FHOD3: variants seen among roughly 807,000 people sequenced by gnomAD.
FHOD3 encodes the protein FH1/FH2 domain-containing protein 3.
FHOD3 carries 90 observed loss-of-function variants against 173.0 expected under a neutral mutation model. That is an observed-to-expected ratio of 0.52 (90% CI 0.44 to 0.62). The LOEUF (loss-of-function observed/expected upper bound fraction) is 0.62, where lower values mean the gene tolerates loss of function less well. Among genes scored for constraint, FHOD3 ranks in the 20% least tolerant of loss-of-function variants. The probability of loss-of-function intolerance (pLI) is 0.00; values close to 1 mark genes in which losing one functional copy is unlikely to be tolerated. For synonymous variants in FHOD3, 828 were observed against 823.0 expected, an observed-to-expected ratio of 1.01 and a Z score of -0.10; for missense variants, 1,945 against 2,034.7, an observed-to-expected ratio of 0.96 and a Z score of 0.85.
intron 3 of FHOD3, among the ~76,000 whole-genome samples, chr18:36,498,756 G>T (rs1460727598): frequency 1.3e-5 from 2 of 152,138 alleles, no homozygotes; most frequent in Admixed American, 6.5e-5. Context: ...TGCAAGAAAA[G>T]AAACTATAAA....
intron 19 of FHOD3, among the ~76,000 whole-genome samples, chr18:36,727,598 C>T (rs2041142075): frequency 6.6e-6 from 1 of 152,156 alleles, no homozygotes; most frequent in African/African-American, 2.4e-5. Flanking sequence ...GTGGGGACAG[C>T]TCTCCCATGA....
chr18:36,583,963 C>T (rs1217454952), intron 6 of FHOD3, among the ~76,000 whole-genome samples: 1 of 152,072 alleles, frequency 6.6e-6, no homozygotes, highest in African/African-American at 2.4e-5. Flanking sequence ...GTAGCTGGGA[C>T]CACAGGGAAC....
chr18:36,757,657 T>A (rs1424637674), intron 25 of FHOD3, among the ~76,000 whole-genome samples: 1 of 152,162 alleles, frequency 6.6e-6, no homozygotes, highest in African/African-American at 2.4e-5. Context: ...ATGAGAGGTC[T>A]GAGGGTAAAA....
chr18:36,405,739 A>G (rs905354313), intron 3 of FHOD3, among the ~76,000 whole-genome samples: 5 of 152,260 alleles, frequency 3.3e-5, no homozygotes, highest in African/African-American at 1.2e-4. Flanking sequence ...GACTGTGAAC[A>G]TACCAAAATA....
At chr18:36,390,508 C>T (rs1403518209) in intron 3 of FHOD3, among the ~76,000 whole-genome samples, 1 of 152,196 alleles carries the variant, frequency 6.6e-6, no homozygotes, top group Non-Finnish European at 1.5e-5. Context: ...GGCATGCACC[C>T]TGTCCTTGTG....
chr18:36,304,694 G>T (rs1048370272), intron 1 of FHOD3, among the ~76,000 whole-genome samples: 5 of 152,218 alleles, frequency 3.3e-5, no homozygotes, highest in Non-Finnish European at 7.4e-5. Context: ...CAATTCCCAT[G>T]ATGAAGTAAA....
rs73423297 is a variant in FHOD3 at position 36,532,083 on chromosome 18, C to T, written c.511+19540C>T. 4.1e-3 allele frequency among the ~76,000 whole-genome samples: 628 copies of T among 152,342 alleles called. 4 individuals carry two copies. The highest frequency in any genetic ancestry group is 0.014 in the African/African-American group (601 of 41,582). ...GCCTCTGGAGAAAATCTCCCTGCGG[C>T]GTGGCTTTCATGCAGCCATTGGAGG... On this transcript the variant is annotated intron_variant, in intron 5 of 28. Coordinates refer to ENST00000590592, the MANE Select transcript of FHOD3 (RefSeq NM_001281740.3).
At chr18:36,577,817 G>A (rs555223728) in intron 6 of FHOD3, among the ~76,000 whole-genome samples, 26 of 152,304 alleles carry the variant, frequency 1.7e-4, no homozygotes, top group Admixed American at 1.2e-3. Flanking sequence ...GATCTATTCC[G>A]TCACTTCAGG....
chr18:36,590,578 A>G (rs1467173646), intron 6 of FHOD3, among the ~76,000 whole-genome samples: 3 of 152,210 alleles, frequency 2.0e-5, no homozygotes, highest in African/African-American at 7.2e-5. Flanking sequence ...TAATATGCTT[A>G]TTATTAATTT....
intron 1 of FHOD3, among the ~76,000 whole-genome samples, chr18:36,305,838 A>C (rs1402351551): frequency 6.6e-6 from 1 of 152,214 alleles, no homozygotes; most frequent in Non-Finnish European, 1.5e-5. Context: ...AATTTTGACT[A>C]AAGAAGTTTA....
rs2048230955 is a variant in FHOD3, at chr18:36,390,221, G to A, written c.337+17477G>A. On this transcript the variant is annotated intron_variant, in intron 3 of 28. Transcript: ENST00000590592. ...GATGAGCTGGGTCCAGAGGTGATAG[G>A]GGGACGTGTCCACTGGGCAGGTGAC... Among the ~76,000 whole-genome samples, 5 of 152,094 alleles carry A rather than the reference G, an allele frequency of 3.3e-5. No homozygotes were observed. The South Asian group carries it at 1.0e-3, about 32-fold the overall frequency.
intron 3 of FHOD3, among the ~76,000 whole-genome samples, chr18:36,436,738 G>T (rs12965996): frequency 6.6e-6 from 1 of 151,938 alleles, no homozygotes; most frequent in African/African-American, 2.4e-5. Flanking sequence ...TTTAAATTTA[G>T]CCGTAACTGC....
chr18:36,476,551 G>A (rs1375960779), intron 3 of FHOD3, among the ~76,000 whole-genome samples: 2 of 152,144 alleles, frequency 1.3e-5, no homozygotes, highest in Admixed American at 6.5e-5. Context: ...GCCCCCCATA[G>A]TCAGGAAAGG....
At chr18:36,686,548 C>A (rs2038630216) in intron 15 of FHOD3, among the ~76,000 whole-genome samples, 1 of 151,286 alleles carries the variant, frequency 6.6e-6, no homozygotes, top group Non-Finnish European at 1.5e-5. Flanking sequence ...GGGCTTAATA[C>A]TTAGGTGACG....
rs576484088 is a variant in FHOD3 at position 36,748,829 on chromosome 18, C to T, written c.4232+1694C>T. Among the ~76,000 whole-genome samples, 3 of 152,278 alleles carry T rather than the reference C, an allele frequency of 2.0e-5. No homozygotes were observed. The East Asian group carries it at 5.8e-4, about 29-fold the overall frequency. On this transcript the variant is annotated intron_variant, in intron 24 of 28. Coordinates refer to ENST00000590592, the MANE Select transcript of FHOD3 (RefSeq NM_001281740.3). ...GCGCTGTATGTAGAACTGATTAAAG[C>T]AGGACTCTCTTGTTGAAATTGAGAT... is the stretch of plus-strand genomic sequence containing the variant.
intron 8 of FHOD3, among the ~76,000 whole-genome samples, chr18:36,604,983 G>A (rs1304985746): frequency 2.0e-5 from 3 of 152,126 alleles, no homozygotes; most frequent in Admixed American, 6.5e-5. Flanking sequence ...AGGTCACATT[G>A]GCAATGATTG....
At chr18:36,345,433 C>A (rs548656927) in intron 1 of FHOD3, among the ~76,000 whole-genome samples, 81 of 152,212 alleles carry the variant, frequency 5.3e-4, no homozygotes, top group African/African-American at 1.8e-3. Context: ...AAATTATAGT[C>A]TTTTTCATAT....
intron 5 of FHOD3, among the ~76,000 whole-genome samples, chr18:36,529,925 T>G (rs1449741568): frequency 6.6e-6 from 1 of 152,030 alleles, no homozygotes; most frequent in African/African-American, 2.4e-5. Flanking sequence ...CCTGCCGGGC[T>G]TGGTAGCGAC....
chr18:36,683,770 A>G (rs1477776419), intron 15 of FHOD3, among the ~76,000 whole-genome samples: 1 of 152,238 alleles, frequency 6.6e-6, no homozygotes. Flanking sequence ...CAATGGCAGC[A>G]GTGTCCAGGC....
Sources: gnomAD v4.1 joint callset for allele counts (sites outside exome capture counted in the v4.1 genomes callset) on GRCh38, gnomAD v4.1.1 for gene constraint, MANE v1.5 for transcripts, NCBI Gene and HGNC (gene_info 2026-07-23, HGNC 2026-07-21) for gene names.